The following BABAM1 variants were observed in gnomAD, a reference collection of about 807,000 sequenced individuals.
BABAM1 encodes BRISC and BRCA1 A complex member 1.
A neutral mutation model predicts 34.4 loss-of-function variants in BABAM1; 14 were observed. The ratio of observed to expected loss-of-function variants is 0.41; its 90% CI spans 0.27 to 0.64. The LOEUF is 0.64. Among genes scored for constraint, BABAM1 ranks in the 30% least tolerant of loss-of-function variants. The pLI is 0.34. For synonymous variants in BABAM1, 169 were observed against 165.8 expected (o/e 1.02, Z -0.15); for missense variants, 393 against 434.0 (o/e 0.91, Z 0.84).
In BABAM1 at chr19:17,271,654, G is replaced by A. The variant is rs115366940; in HGVS notation, c.343G>A (p.Gly115Ser). ...ACTGCCAAAGCTGGAGTCGTTCAAC[G>A]GGTAAGAGGGACATTTTAGGGCTTG... is the stretch of plus-strand genomic sequence containing the variant. ...MSLPKLESFN[G>S]SKTNALNVSQ... is the part of the protein sequence containing the mutation. The change falls in exon 3 of 9, where the codon GGC (glycine) becomes AGC (serine). Residue 115 changes from glycine (G) to serine (S), a missense_variant and splice_region_variant. Physicochemically the swap from Gly to Ser is moderately conservative, Grantham distance 56 (BLOSUM62 0). Transcript: ENST00000598188. The A allele has an allele frequency of 7.4e-4, 1,197 of 1,613,626 alleles. 6 individuals are homozygous for A. The African/African-American group carries it at 0.011, about 15-fold the overall frequency.
At chr19:17,274,921 T>A (rs571220419) in intron 5 of BABAM1, among the ~76,000 whole-genome samples, 39 of 152,318 alleles carry the variant, frequency 2.6e-4, no homozygotes, top group Middle Eastern at 3.4e-3. Context: ...GACCTTTTTT[T>A]ATTTTTGCTC....
At chr19:17,273,668 A>G (rs999348900) in intron 3 of BABAM1, among the ~76,000 whole-genome samples, 3 of 147,836 alleles carry the variant, frequency 2.0e-5, no homozygotes, top group Non-Finnish European at 3.0e-5. Context: ...GGTTCAAGCA[A>G]TTCTCTGACT....
intron 3 of BABAM1, among the ~76,000 whole-genome samples, chr19:17,272,082 A>G (rs1226263073): frequency 6.6e-6 from 1 of 152,000 alleles, no homozygotes. Context: ...CTGAGATTAT[A>G]GGCATGCACC....
Position 17,276,776 on chromosome 19 carries a change from G to A in BABAM1, c.700-47G>A, listed in dbSNP as rs10416551. On this transcript the variant is annotated intron_variant, in intron 7 of 8. Coordinates refer to ENST00000598188, the MANE Select transcript of BABAM1 (RefSeq NM_014173.4). ...TGGGGGAGCTATAGTCATGGGGCAC[G>A]GGGTGACCCAAGCCCCAGAGGCTGG... The A allele has an allele frequency of 4.4e-3, 6,964 of 1,570,410 alleles. 244 individuals are homozygous for A. The African/African-American group carries it at 0.081, about 18-fold the overall frequency.
At chr19:17,272,549 T>C (rs953616534) in intron 3 of BABAM1, among the ~76,000 whole-genome samples, 21 of 151,728 alleles carry the variant, frequency 1.4e-4, no homozygotes, top group African/African-American at 3.6e-4. Flanking sequence ...GGACTACAGG[T>C]GCCTGCCACC....
At chr19:17,271,461 A>G in intron 2 of BABAM1, 136 bp from the exon 3 acceptor site, 1 of 899,344 alleles carries the variant, frequency 1.1e-6, no homozygotes, top group Non-Finnish European at 1.7e-6. Flanking sequence ...TTGCTTTTCA[A>G]AGTAGATGGC....
chr19:17,274,017 C>G lies in BABAM1; in HGVS notation c.458C>G (p.Thr153Arg), dbSNP rs750288594. 1 of 1,613,926 alleles carries G rather than the reference C, an allele frequency of 6.2e-7. No individual in the cohort carries two copies. Among genetic ancestry groups the G allele is most frequent in the East Asian group, 2.2e-5 (1 of 44,876 alleles). Reference sequence around the variant, plus strand: ...GCACTGGTGGTGGTGAACGATGACACGGCCTGGGTGAGGCTGCGGCAGGCG... The same window carrying G: ...GCACTGGTGGTGGTGAACGATGACAGGGCCTGGGTGAGGCTGCGGCAGGCG... ...EFALVVVNDD[T>R]AWLSGLTSDP... Residue 153 changes from threonine to arginine, a missense_variant, in exon 4 of 9, where the codon ACG (threonine) becomes AGG (arginine). Coordinates refer to ENST00000598188, the MANE Select transcript of BABAM1 (RefSeq NM_014173.4).
intron 8 of BABAM1, 39 bp from the exon 9 acceptor site, chr19:17,278,806 G>A: frequency 1.3e-6 from 2 of 1,571,150 alleles, no homozygotes; most frequent in African/African-American, 1.3e-5. Context: ...GGTAACCTCT[G>A]CCTGAACAGC....
chr19:17,276,889 G>A lies in BABAM1; in HGVS notation c.766G>A (p.Glu256Lys), dbSNP rs199960321. ...CATCCACAATGGCACTGAGGAGAAG[G>A]AGGAGGAGATGAGTTGGAAGGTGAG... Reference protein sequence around the residue: ...VYIHNGTEEKEEEMSWKDMFA... With the variant: ...VYIHNGTEEKKEEMSWKDMFA... The change falls in exon 8 of 9, where the codon GAG becomes AAG. Residue 256 changes from glutamate (E) to lysine (K), a missense_variant. Glu to Lys is a moderately conservative substitution (Grantham distance 56). Coordinates refer to ENST00000598188, the MANE Select transcript of BABAM1 (RefSeq NM_014173.4). The A allele has an allele frequency of 2.5e-4, 405 of 1,600,134 alleles. 1 individual carries two copies. Among genetic ancestry groups the A allele is most frequent in the Middle Eastern group, 6.6e-4 (4 of 6,038 alleles).
chr19:17,275,792 C>T lies in BABAM1; in HGVS notation c.545-9C>T, dbSNP rs1223204847. ...GCTCTACTAGCCTTCTCCTTAGCACCCCCACCAGATCTGGAAGGACTTTTC... is the reference window on the plus strand; with the variant it reads ...GCTCTACTAGCCTTCTCCTTAGCACTCCCACCAGATCTGGAAGGACTTTTC... On this transcript the variant is annotated splice_polypyrimidine_tract_variant and intron_variant, in intron 5 of 8. Coordinates refer to ENST00000598188, the MANE Select transcript of BABAM1 (RefSeq NM_014173.4). The T allele has an allele frequency of 1.3e-5, 21 of 1,613,778 alleles. No individual in the cohort carries two copies. Among genetic ancestry groups the T allele is most frequent in the Non-Finnish European group, 1.5e-5 (18 of 1,179,852 alleles).
chr19:17,268,460 C>G, intron 1 of BABAM1: 1 of 127,036 alleles, frequency 7.9e-6, no homozygotes, highest in Non-Finnish European at 1.6e-5. Context: ...GACGGAGTTT[C>G]GCTCTTTTTG....
rs766080846 is a variant in BABAM1, at chr19:17,268,947, C to A, written c.141C>A (p.Ser47Arg). The A allele has an allele frequency of 3.6e-5, 56 of 1,574,732 alleles. No homozygotes were observed. Among genetic ancestry groups the A allele is most frequent in the Middle Eastern group, 2.0e-4 (1 of 5,002 alleles). Residue 47 changes from serine (S) to arginine (R), a missense_variant, in exon 2 of 9, where the codon AGC (serine) becomes AGA (arginine). By Grantham distance (110) the Ser-to-Arg change is moderately radical. Coordinates refer to ENST00000598188, the MANE Select transcript of BABAM1 (RefSeq NM_014173.4). Reference protein sequence around the residue: ...RAVGAQASVGSRSEGEGEAAS... With the variant: ...RAVGAQASVGRRSEGEGEAAS... The stretch of plus-strand genomic sequence containing the variant: ...TAGGGGCACAGGCCAGCGTGGGCAG[C>A]CGCAGCGAGGGTGAGGGTGAGGCCG...
chr19:17,278,643 C>T (rs1288139457), intron 8 of BABAM1, among the ~76,000 whole-genome samples: 1 of 152,182 alleles, frequency 6.6e-6, no homozygotes, highest in Non-Finnish European at 1.5e-5. Flanking sequence ...ATGACTGGGA[C>T]CTCTTCAGAT....
At chr19:17,276,468 G>T (rs749110768) in intron 6 of BABAM1, 27 bp from the exon 7 acceptor site, 6 of 1,578,826 alleles carry the variant, frequency 3.8e-6, no homozygotes, top group Non-Finnish European at 5.2e-6. Context: ...AGGCTGCTCT[G>T]ACTGCTCCCT....
chr19:17,270,982 G>A (rs1434749312), intron 2 of BABAM1, among the ~76,000 whole-genome samples: 1 of 147,694 alleles, frequency 6.8e-6, no homozygotes, highest in African/African-American at 2.5e-5. Context: ...GAGCCACCAC[G>A]CCTGGCCTCT....
chr19:17,273,787 A>G, intron 3 of BABAM1, 117 bp from the exon 4 acceptor site: 1 of 1,327,700 alleles, frequency 7.5e-7, no homozygotes, highest in Non-Finnish European at 1.0e-6. Flanking sequence ...CTGGTGTTGA[A>G]CTCCTGACCT....
At chr19:17,273,374 C>G (rs942683965) in intron 3 of BABAM1, among the ~76,000 whole-genome samples, 21 of 152,070 alleles carry the variant, frequency 1.4e-4, no homozygotes, top group Admixed American at 1.3e-3. Context: ...TGCAATGACT[C>G]TAGGGGAAAC....
At chr19:17,277,794 G>A (rs539703874) in intron 8 of BABAM1, among the ~76,000 whole-genome samples, 15 of 152,190 alleles carry the variant, frequency 9.9e-5, no homozygotes, top group Middle Eastern at 3.4e-3. Flanking sequence ...CAGGAGGCTC[G>A]CTAGAGCTCG....
rs368998058 is a variant in BABAM1, at chr19:17,271,491, C to T, written c.286-106C>T. ...GATGGCTTGGCTGAGGATTAGAGGT[C>T]ACCATACTGCCTTTTCAGACAAGGC... is the stretch of plus-strand genomic sequence containing the variant. On this transcript the variant is annotated intron_variant, in intron 2 of 8. Coordinates refer to ENST00000598188, the MANE Select transcript of BABAM1 (RefSeq NM_014173.4). 4.7e-6 allele frequency: 6 copies of T among 1,270,982 alleles called. No homozygotes were observed. In the African/African-American group the frequency reaches 8.9e-5, roughly 19 times the overall value. The allele number at this position is 1,270,982 out of a possible 1,614,324, so 78.7% of individuals were successfully genotyped here. A position where few individuals can be genotyped will look rare whatever the true frequency, so the allele number is the denominator to read the frequency against.
Sources: allele counts gnomAD v4.1 joint callset (sites outside exome capture counted in the v4.1 genomes callset), GRCh38; gene constraint gnomAD v4.1.1; transcripts MANE v1.5; gene names NCBI Gene and HGNC (gene_info 2026-07-23, HGNC 2026-07-21).